Variants in DPYSL5 observed in about 807,000 individuals in gnomAD.
DPYSL5 encodes dihydropyrimidinase-related protein 5.
Under a neutral mutation model 58.4 loss-of-function variants are expected in DPYSL5, and 9 were observed. That is an observed-to-expected ratio of 0.15 (90% confidence interval 0.09 to 0.27). The LOEUF is 0.27. DPYSL5 is among the 10% of genes least tolerant of loss of function. The pLI is 1.00. For synonymous variants in DPYSL5, 293 were observed against 301.9 expected, an observed-to-expected ratio of 0.97 and a Z score of 0.31; for missense variants, 499 against 770.6, an observed-to-expected ratio of 0.65 and a Z score of 4.17.
In DPYSL5 at chr2:26,849,799, G is replaced by A. The variant is rs1266054726; in HGVS notation, c.-5+1545G>A. On this transcript the variant is annotated intron_variant, in intron 1 of 12. Transcript: ENST00000288699. This position sits in a 1 kb window ranked among gnomAD's most constrained non-coding sequence, Gnocchi z 6.2. ...GTGCTGGCTTTGGGGTTTTATGGGG[G>A]CCTGGCCACGCCGGGAATCCCGTGT... Among the ~76,000 whole-genome samples the A allele has an allele frequency of 1.3e-5, 2 of 152,218 alleles. No individual in the cohort carries two copies. Among genetic ancestry groups the A allele is most frequent in the Non-Finnish European group, 2.9e-5 (2 of 68,024 alleles).
intron 1 of DPYSL5, among the ~76,000 whole-genome samples, chr2:26,855,383 C>T (rs569321079): frequency 5.9e-5 from 9 of 151,940 alleles, no homozygotes; most frequent in African/African-American, 2.2e-4. Flanking sequence ...GAGCCCAGAT[C>T]GCGGCACTGC....
At chr2:26,930,975 G>GAA (rs1195080886) in intron 5 of DPYSL5, among the ~76,000 whole-genome samples, 2 of 129,698 alleles carry the variant, frequency 1.5e-5, no homozygotes. Context: ...CTCCGTCTGG[G>GAA]AAAAAAAAAA....
At chr2:26,891,501 C>T (rs1048268846) in intron 1 of DPYSL5, among the ~76,000 whole-genome samples, 2 of 151,968 alleles carry the variant, frequency 1.3e-5, no homozygotes, top group African/African-American at 4.8e-5. Flanking sequence ...AAAAAATAGG[C>T]CGAGGTGGTG....
chr2:26,866,002 G>A (rs1302807653), intron 1 of DPYSL5, among the ~76,000 whole-genome samples: 1 of 152,162 alleles, frequency 6.6e-6, no homozygotes, highest in Non-Finnish European at 1.5e-5. Context: ...GTGGGTGTTT[G>A]TCTGCATGGT....
intron 2 of DPYSL5, among the ~76,000 whole-genome samples, chr2:26,912,293 G>T (rs892102411): frequency 1.3e-5 from 2 of 152,190 alleles, no homozygotes; most frequent in African/African-American, 4.8e-5. Flanking sequence ...CACAGCCCCC[G>T]TTCCTGGAAA....
chr2:26,862,584 T>A (rs1391909890), intron 1 of DPYSL5, among the ~76,000 whole-genome samples: 1 of 152,074 alleles, frequency 6.6e-6, no homozygotes, highest in Non-Finnish European at 1.5e-5. Flanking sequence ...CCATTGCATG[T>A]TTGTTGATTA....
At chr2:26,882,230 T>C (rs903038391) in intron 1 of DPYSL5, among the ~76,000 whole-genome samples, 26 of 152,164 alleles carry the variant, frequency 1.7e-4, no homozygotes, top group Admixed American at 1.7e-3. Context: ...TGCATGATTT[T>C]AAAGTACAAT....
rs539461611 is a variant in DPYSL5 at position 26,934,524 on chromosome 2, G to A, written c.791-54G>A. ...TGTAAAATGAGAGGCACACACCAGC[G>A]ATCGCTCAGGTTCGGTGGCTTCCTG... On this transcript the variant is annotated intron_variant, in intron 7 of 12. Coordinates refer to ENST00000288699, the MANE Select transcript of DPYSL5 (RefSeq NM_020134.4). This position sits in a 1 kb window ranked among gnomAD's most constrained non-coding sequence, Gnocchi z 4.3. 1.1e-5 allele frequency: 17 copies of A among 1,578,852 alleles called. No homozygotes were observed. The highest frequency in any genetic ancestry group is 8.5e-5 in the Admixed American group (5 of 58,490).
intron 8 of DPYSL5, among the ~76,000 whole-genome samples, chr2:26,935,755 G>T (rs12615423): frequency 0.37 from 56,255 of 150,938 alleles, 11,057 homozygotes; most frequent in Admixed American, 0.53. Context: ...GGGTATTAAA[G>T]TTCCATCCAG....
rs1299993898 is a variant in DPYSL5, at chr2:26,898,783, G to A, written c.261+23G>A. 1 of 1,585,120 alleles carries A rather than the reference G, an allele frequency of 6.3e-7. No homozygotes were observed. The highest frequency in any genetic ancestry group is 8.6e-7 in the Non-Finnish European group (1 of 1,162,892). On this transcript the variant is annotated intron_variant, in intron 2 of 12. Coordinates refer to ENST00000288699, the MANE Select transcript of DPYSL5 (RefSeq NM_020134.4). The surrounding 1 kb of genome is among the most constrained non-coding windows in gnomAD (Gnocchi z 6.1). ...AAGGTAATGCTCCTGTTTGCCAAAG[G>A]TGGCTTCCTCTTTGGCTTTTTTATT... is the stretch of plus-strand genomic sequence containing the variant.
Position 26,933,225 on chromosome 2 carries a change from C to T in DPYSL5, c.715-33C>T, listed in dbSNP as rs1201990223. ...GATGCTTGTGAAGTTTATGGGTCAA[C>T]CCTCCCTACTTCCCACTGTTTCTTG... On this transcript the variant is annotated intron_variant, in intron 6 of 12. Coordinates refer to ENST00000288699, the MANE Select transcript of DPYSL5 (RefSeq NM_020134.4). This position sits in a 1 kb window ranked among gnomAD's most constrained non-coding sequence, Gnocchi z 4.2. 1 of 1,603,718 alleles carries T rather than the reference C, an allele frequency of 6.2e-7. No homozygotes were observed. Among genetic ancestry groups the T allele is most frequent in the Non-Finnish European group, 8.5e-7 (1 of 1,170,668 alleles).
chr2:26,898,875 A>T lies in DPYSL5; in HGVS notation c.261+115A>T. ...GTGCTCCCAGTGTATTGCTGGCAGGAGAAGGGTGTGTCAGGGCCACTGTGG... is the reference window on the plus strand; with the variant it reads ...GTGCTCCCAGTGTATTGCTGGCAGGTGAAGGGTGTGTCAGGGCCACTGTGG... On this transcript the variant is annotated intron_variant, in intron 2 of 12. Coordinates refer to ENST00000288699, the MANE Select transcript of DPYSL5 (RefSeq NM_020134.4). This position sits in a 1 kb window ranked among gnomAD's most constrained non-coding sequence, Gnocchi z 6.1. The T allele has an allele frequency of 7.5e-7, 1 of 1,332,540 alleles. No individual in the cohort carries two copies. The highest frequency in any genetic ancestry group is 1.0e-6 in the Non-Finnish European group (1 of 980,158). 82.5% of individuals were successfully genotyped at this position (1,332,540 alleles called of 1,614,324 possible).
At chr2:26,866,495 C>CAA (rs1380586230) in intron 1 of DPYSL5, among the ~76,000 whole-genome samples, 1 of 151,780 alleles carries the variant, frequency 6.6e-6, no homozygotes, top group Non-Finnish European at 1.5e-5. Flanking sequence ...CACACACACA[C>CAA]AATGTTCATT....
At chr2:26,902,841 A>C (rs2148140129) in intron 2 of DPYSL5, among the ~76,000 whole-genome samples, 1 of 152,296 alleles carries the variant, frequency 6.6e-6, no homozygotes, top group South Asian at 2.1e-4. Context: ...GGCCACAAGA[A>C]GTGACCCCTT....
intron 1 of DPYSL5, among the ~76,000 whole-genome samples, chr2:26,881,868 G>A (rs1414405750): frequency 6.6e-6 from 1 of 152,042 alleles, no homozygotes; most frequent in African/African-American, 2.4e-5. Context: ...GAGGCAGGTG[G>A]ATCACGAGGT....
At chr2:26,939,822 G>A (rs1242693307) in intron 8 of DPYSL5, 1 of 577,860 alleles carries the variant, frequency 1.7e-6, no homozygotes, top group Non-Finnish European at 3.0e-6. Context: ...GACACAGACA[G>A]ACTGTGCCAC....
At position 26,948,161 on chromosome 2, in the gene DPYSL5, C is replaced by G. The variant is rs2148182259; in HGVS notation, c.*1166C>G. ...GCTGGACAGAGACTCAGCGCTCCTC[C>G]TGTGTGACTGGCAAGAGGCCTCATG... On this transcript the variant is annotated 3_prime_UTR_variant, in exon 13 of 13. Transcript: ENST00000288699. 1 of 153,006 alleles carries G rather than the reference C, an allele frequency of 6.5e-6. No homozygotes were observed. The highest frequency in any genetic ancestry group is 2.4e-5 in the African/African-American group (1 of 41,524). 9.5% of individuals were successfully genotyped at this position (153,006 alleles called of 1,614,324 possible).
In DPYSL5 at chr2:26,868,026, G is replaced by A. The variant is rs189307056; in HGVS notation, c.-5+19772G>A. ...AGACCTGCCAATGACAAGGTATCACGCTTGAATTTTTGCCATCTGATGGAT... is the reference window on the plus strand; with the variant it reads ...AGACCTGCCAATGACAAGGTATCACACTTGAATTTTTGCCATCTGATGGAT... On this transcript the variant is annotated intron_variant, in intron 1 of 12. Coordinates refer to ENST00000288699, the MANE Select transcript of DPYSL5 (RefSeq NM_020134.4). 2.1e-3 allele frequency among the ~76,000 whole-genome samples: 313 copies of A among 152,236 alleles called. 2 individuals carry two copies. Among genetic ancestry groups the A allele is most frequent in the Admixed American group, 5.9e-3 (91 of 15,298 alleles).
At chr2:26,912,635 C>A (rs929462675) in intron 2 of DPYSL5, among the ~76,000 whole-genome samples, 1 of 152,230 alleles carries the variant, frequency 6.6e-6, no homozygotes, top group African/African-American at 2.4e-5. Context: ...TCTGAGGAGC[C>A]TCTCCAGTCT....
Sources: allele counts gnomAD v4.1 joint callset (sites outside exome capture counted in the v4.1 genomes callset), GRCh38; gene constraint gnomAD v4.1.1; non-coding constraint Gnocchi (gnomAD v3.1); transcripts MANE v1.5; gene names NCBI Gene and HGNC (gene_info 2026-07-23, HGNC 2026-07-21).